Variants in JAK1 observed in about 807,000 individuals in gnomAD.
JAK1 encodes the protein Janus kinase 1.
In JAK1, 16 loss-of-function variants were observed where a neutral mutation model predicts 136.6. The observed-to-expected ratio is 0.12, with a 90% CI of 0.08 to 0.18. The LOEUF (loss-of-function observed/expected upper bound fraction) is 0.18. Ranked by LOEUF, JAK1 falls within the 10% of genes least tolerant of loss-of-function variation. The probability of loss-of-function intolerance (pLI) is 1.00; values close to 1 mark genes in which losing one functional copy is unlikely to be tolerated. For missense variants in JAK1, 859 were observed against 1,450.1 expected, an observed-to-expected ratio of 0.59 and a Z score of 6.62; for synonymous variants, 492 against 519.5, an observed-to-expected ratio of 0.95 and a Z score of 0.72.
At chr1:65,002,704 G>A (rs1299622766) in intron 2 of JAK1, among the ~76,000 whole-genome samples, 1 of 152,224 alleles carries the variant, frequency 6.6e-6, no homozygotes, top group East Asian at 1.9e-4. Context: ...CGGCGGCGGA[G>A]GCGGGGGCAC....
chr1:65,016,376 C>G (rs141607130), intron 2 of JAK1, among the ~76,000 whole-genome samples: 1 of 152,048 alleles, frequency 6.6e-6, no homozygotes, highest in Non-Finnish European at 1.5e-5. Context: ...AATCCTAGCA[C>G]GTTGGGAGGC....
At chr1:65,028,403 C>A (rs1014783716) in intron 2 of JAK1, among the ~76,000 whole-genome samples, 2 of 149,688 alleles carry the variant, frequency 1.3e-5, no homozygotes, top group African/African-American at 2.5e-5. Flanking sequence ...CTATCCCTAG[C>A]ACCCAGAATA....
At chr1:65,060,588 CTCATT>C (rs968970520) in intron 1 of JAK1, among the ~76,000 whole-genome samples, 6 of 152,004 alleles carry the variant, frequency 3.9e-5, no homozygotes, top group Non-Finnish European at 7.4e-5. Flanking sequence ...TTATTTTTCT[CTCATT>C]TCATTTTTTT....
intron 1 of JAK1, among the ~76,000 whole-genome samples, chr1:64,914,094 T>C (rs1356779235): frequency 6.6e-6 from 1 of 152,098 alleles, no homozygotes; most frequent in Admixed American, 6.5e-5. Context: ...TGATTGTTGA[T>C]TTTGAGAAAG....
intron 2 of JAK1, chr1:64,986,127 C>T: frequency 1.6e-6 from 1 of 612,262 alleles, no homozygotes; most frequent in Non-Finnish European, 2.7e-6. Flanking sequence ...TTTTTTTGGA[C>T]AGAGTTTCAC....
intron 1 of JAK1, among the ~76,000 whole-genome samples, chr1:65,064,300 G>A (rs1437781004): frequency 6.6e-6 from 1 of 152,202 alleles, no homozygotes; most frequent in Non-Finnish European, 1.5e-5. Context: ...TAATAGCCAC[G>A]TGGCTAGTGG....
chr1:64,984,818 A>C lies in JAK1; in HGVS notation c.-78+59662T>G. On this transcript the variant is annotated intron_variant, in intron 2 of 25. Transcript: ENST00000671954. This position sits in a 1 kb window ranked among gnomAD's most constrained non-coding sequence, Gnocchi z 4.1. ...AGATAATAAAAACGTAGGCTCCTAAATAGTAAGCAGCAGAAGGGAAAAGCA... is the reference window on the plus strand; with the variant it reads ...AGATAATAAAAACGTAGGCTCCTAACTAGTAAGCAGCAGAAGGGAAAAGCA... 1 of 1,109,172 alleles carries C rather than the reference A, an allele frequency of 9.0e-7. No individual in the cohort carries two copies. The highest frequency in any genetic ancestry group is 1.3e-5 in the South Asian group (1 of 78,012). 68.7% of individuals were successfully genotyped at this position (1,109,172 alleles called of 1,614,324 possible). A position where few individuals can be genotyped will look rare whatever the true frequency, so the allele number is the denominator to read the frequency against.
At chr1:64,910,252 G>A (rs1306631993) in intron 1 of JAK1, among the ~76,000 whole-genome samples, 3 of 152,114 alleles carry the variant, frequency 2.0e-5, no homozygotes, top group Admixed American at 2.0e-4. Context: ...AAAAGTCAAG[G>A]CTAGTGGAAA....
rs1416735799 is a variant in JAK1 at position 64,866,913 on chromosome 1, C to G, written c.943G>C (p.Val315Leu). 6.2e-7 allele frequency: 1 copy of G among 1,614,014 alleles called. No homozygotes were observed. Among genetic ancestry groups the G allele is most frequent in the Non-Finnish European group, 8.5e-7 (1 of 1,179,866 alleles). The change falls in exon 7 of 25, where the codon GTG becomes CTG. Residue 315 changes from valine to leucine, a missense_variant. Physicochemically the swap from Val to Leu is conservative, Grantham distance 32. Transcript: ENST00000342505. ...NDGGNVLYYE[V>L]MVTGNLGIQW... Reference sequence around the variant, plus strand: ...ATTCCAAGATTCCCAGTCACCATCACTTCGTAGTAGAGAACGTTTCCACCG... The same window carrying G: ...ATTCCAAGATTCCCAGTCACCATCAGTTCGTAGTAGAGAACGTTTCCACCG...
chr1:64,907,912 A>G (rs995161557), intron 1 of JAK1, among the ~76,000 whole-genome samples: 1 of 152,238 alleles, frequency 6.6e-6, no homozygotes, highest in Non-Finnish European at 1.5e-5. Flanking sequence ...TAATTGAAAT[A>G]CAATTATGAC....
intron 6 of JAK1, among the ~76,000 whole-genome samples, chr1:64,867,464 T>C (rs144046523): frequency 1.3e-5 from 2 of 152,334 alleles, no homozygotes; most frequent in Non-Finnish European, 2.9e-5. Flanking sequence ...TATTGCCCAA[T>C]TTTCTGGGTC....
chr1:65,043,808 C>T (rs1056490248), intron 2 of JAK1, among the ~76,000 whole-genome samples: 4 of 151,092 alleles, frequency 2.6e-5, no homozygotes, highest in Admixed American at 6.6e-5. Flanking sequence ...CTGCAACCTC[C>T]GCCTCCTGGA....
rs183735672 is a variant in JAK1 at position 64,999,046 on chromosome 1, T to A, written c.-78+45434A>T. On this transcript the variant is annotated intron_variant, in intron 2 of 25. Coordinates refer to the JAK1 transcript ENST00000671954. ...TTCATTTCAATACTCATTTGGGATA[T>A]TTCCCTTGTAAATCTTCCTATCTTT... is the stretch of plus-strand genomic sequence containing the variant. 7.0e-4 allele frequency among the ~76,000 whole-genome samples: 107 copies of A among 152,374 alleles called. No individual in the cohort carries two copies. The South Asian group carries it at 0.01, about 14-fold the overall frequency.
In JAK1 at chr1:64,951,893, G is replaced by A. The variant is rs2935417; in HGVS notation, c.-78+14440C>T. Among the ~76,000 whole-genome samples, 95 of 152,120 alleles carry A rather than the reference G, an allele frequency of 6.2e-4. 2 individuals carry two copies. The highest frequency in any genetic ancestry group is 6.8e-3 in the Middle Eastern group (2 of 294). The stretch of plus-strand genomic sequence containing the variant: ...TAGGATGGTCTCGAATCCTGACCTC[G>A]TGATCCGCCCGCCTCGGCCTCCCAA... On this transcript the variant is annotated intron_variant, in intron 1 of 24. Coordinates refer to ENST00000342505, the MANE Select transcript of JAK1 (RefSeq NM_002227.4).
chr1:65,024,121 G>T (rs929554981), intron 2 of JAK1, among the ~76,000 whole-genome samples: 9 of 151,942 alleles, frequency 5.9e-5, no homozygotes, highest in Non-Finnish European at 1.3e-4. Flanking sequence ...ATGTTTTGGG[G>T]GTATATACCT....
At chr1:64,953,361 G>A (rs973451345) in intron 1 of JAK1, among the ~76,000 whole-genome samples, 5 of 152,082 alleles carry the variant, frequency 3.3e-5, no homozygotes, top group Non-Finnish European at 5.9e-5. Context: ...TCAATTATGA[G>A]CCCAAAGTCA....
At chr1:64,842,217 T>G (rs1447466004) in intron 17 of JAK1, among the ~76,000 whole-genome samples, 6 of 152,160 alleles carry the variant, frequency 3.9e-5, no homozygotes. Flanking sequence ...ACAAACAGGC[T>G]GGAAGACAAA....
intron 1 of JAK1, among the ~76,000 whole-genome samples, chr1:64,916,411 T>A (rs1314329195): frequency 6.6e-6 from 1 of 152,202 alleles, no homozygotes; most frequent in African/African-American, 2.4e-5. Context: ...AAATGTTCTA[T>A]ATTTTGTTTA....
chr1:64,930,999 G>T (rs1403170130), intron 1 of JAK1, among the ~76,000 whole-genome samples: 1 of 152,012 alleles, frequency 6.6e-6, no homozygotes, highest in African/African-American at 2.4e-5. Flanking sequence ...GGCCAGTCAG[G>T]GGGTGGGGGA....
Sources: allele counts gnomAD v4.1 joint callset (sites outside exome capture counted in the v4.1 genomes callset), GRCh38; gene constraint gnomAD v4.1.1; non-coding constraint Gnocchi (gnomAD v3.1); transcripts MANE v1.5; gene names NCBI Gene and HGNC (gene_info 2026-07-23, HGNC 2026-07-21).